Variants in SPRED2 observed in about 807,000 individuals in gnomAD.
SPRED2 encodes the protein sprouty-related, EVH1 domain-containing protein 2.
In SPRED2, 47 loss-of-function variants were observed where a neutral mutation model predicts 43.0. The observed-to-expected ratio is 1.09, with a 90% CI of 0.87 to 1.40. SPRED2 has a LOEUF of 1.40. Ranked by LOEUF, SPRED2 falls within the 40% of genes most tolerant of loss-of-function variation. SPRED2 has a pLI of 0.00. For synonymous variants in SPRED2, 225 were observed against 225.7 expected (o/e 1.00, Z 0.03); for missense variants, 561 against 586.4 (o/e 0.96, Z 0.45).
In SPRED2 at chr2:65,401,935, GCGCACACACA is replaced by G. The variant is rs61238567; in HGVS notation, c.26+30017_26+30026del. On this transcript the variant is annotated intron_variant, in intron 1 of 5. Coordinates refer to ENST00000356388, the MANE Select transcript of SPRED2 (RefSeq NM_181784.3). ...AAACGATCAGAATATTAGCGCGCGCGCGCACACACACACACACACACACACACACACACAC... is the reference window on the plus strand; with the variant it reads ...AAACGATCAGAATATTAGCGCGCGCGCACACACACACACACACACACACAC... Among the ~76,000 whole-genome samples the G allele has an allele frequency of 1.8e-3, 158 of 89,374 alleles. 1 individual carries two copies. Among genetic ancestry groups the G allele is most frequent in the African/African-American group, 5.6e-3 (155 of 27,684 alleles). The allele number at this position is 89,374 out of a possible 152,430, so 58.6% of individuals were successfully genotyped here.
chr2:65,380,956 T>C (rs1193537578), intron 1 of SPRED2, among the ~76,000 whole-genome samples: 1 of 152,228 alleles, frequency 6.6e-6, no homozygotes, highest in Non-Finnish European at 1.5e-5. Flanking sequence ...AAGTACACTT[T>C]GCCTTTATGT....
chr2:65,316,823 A>G lies in SPRED2; in HGVS notation c.499T>C (p.Ser167Pro). The G allele has an allele frequency of 6.2e-7, 1 of 1,613,830 alleles. No homozygotes were observed. Among genetic ancestry groups the G allele is most frequent in the Non-Finnish European group, 8.5e-7 (1 of 1,179,942 alleles). Residue 167 changes from serine to proline, a missense_variant, in exon 5 of 6, where the codon TCC becomes CCC. Transcript: ENST00000356388. ...CGGTGCTCACAGGATGTGGGAGAGG[A>G]GATTGTCCGAGTAGGTTGCTCTCTC... Reference protein sequence around the residue: ...QKREQPTRTISSPTSCEHRRI... With the variant: ...QKREQPTRTIPSPTSCEHRRI...
intron 1 of SPRED2, among the ~76,000 whole-genome samples, chr2:65,401,937 G>GCGCGCGCGCGCACACACACACA (rs776512353): frequency 6.1e-5 from 7 of 114,710 alleles, no homozygotes; most frequent in Admixed American, 2.4e-4. Flanking sequence ...GCGCGCGCGC[G>GCGCGCGCGCGCACACACACACA]CACACACACA....
rs1489133429 is a variant in SPRED2 at position 65,312,793 on chromosome 2, T to C, written c.*708A>G. The C allele has an allele frequency of 2.6e-5, 26 of 985,740 alleles. No homozygotes were observed. Among genetic ancestry groups the C allele is most frequent in the East Asian group, 1.1e-4 (1 of 8,832 alleles). 61.1% of individuals were successfully genotyped at this position (985,740 alleles called of 1,614,324 possible). A position where few individuals can be genotyped will look rare whatever the true frequency, so the allele number is the denominator to read the frequency against. ...AAGTTAAGGCTCAATTCTCAGTCTA[T>C]TACGGGTGAATGTTTTGCATCAGTG... On this transcript the variant is annotated 3_prime_UTR_variant, in exon 6 of 6. Coordinates refer to ENST00000356388, the MANE Select transcript of SPRED2 (RefSeq NM_181784.3).
intron 1 of SPRED2, among the ~76,000 whole-genome samples, chr2:65,347,067 C>G (rs1392915191): frequency 6.6e-6 from 1 of 152,202 alleles, no homozygotes; most frequent in Non-Finnish European, 1.5e-5. Context: ...ACCTCCATAA[C>G]TCAATTGTAA....
At chr2:65,410,575 T>C (rs1014811356) in intron 1 of SPRED2, among the ~76,000 whole-genome samples, 1 of 151,892 alleles carries the variant, frequency 6.6e-6, no homozygotes, top group Non-Finnish European at 1.5e-5. Flanking sequence ...CTGGCTAACA[T>C]GGTGAGACCC....
rs1553418166 is a variant in SPRED2, at chr2:65,338,272, C to CG, written c.205-3500_205-3499insC. 8.4e-5 allele frequency among the ~76,000 whole-genome samples: 3 copies of CG among 35,672 alleles called. 1 individual carries two copies. Among genetic ancestry groups the CG allele is most frequent in the African/African-American group, 3.6e-4 (3 of 8,270 alleles). 23.4% of individuals were successfully genotyped at this position (35,672 alleles called of 152,430 possible). A position where few individuals can be genotyped will look rare whatever the true frequency, so the allele number is the denominator to read the frequency against. ...GTCTCCCTCTCCCTCTCCCGTCTCC[C>CG]TCTCCCTCTCCCGTCTCCCTCTCCC... is the stretch of plus-strand genomic sequence containing the variant. On this transcript the variant is annotated intron_variant, in intron 2 of 5. Transcript: ENST00000356388.
At chr2:65,344,345 T>C (rs1674277129) in intron 2 of SPRED2, 1 of 331,336 alleles carries the variant, frequency 3.0e-6, no homozygotes, top group African/African-American at 2.1e-5. Context: ...GCATGCTCCA[T>C]GAATAAACTC....
chr2:65,353,888 C>G (rs1022431790), intron 1 of SPRED2, among the ~76,000 whole-genome samples: 1 of 152,132 alleles, frequency 6.6e-6, no homozygotes, highest in Non-Finnish European at 1.5e-5. Flanking sequence ...TTATCTTGCA[C>G]CTGCCTTGCA....
chr2:65,327,877 T>C (rs3732099), intron 4 of SPRED2, among the ~76,000 whole-genome samples: 95,729 of 151,470 alleles, frequency 0.63, 31,252 homozygotes, highest in East Asian at 0.85. Flanking sequence ...GGGCCCGCCA[T>C]CATGCCTGGC....
At chr2:65,398,321 G>A (rs1675805080) in intron 1 of SPRED2, among the ~76,000 whole-genome samples, 1 of 152,134 alleles carries the variant, frequency 6.6e-6, no homozygotes, top group Non-Finnish European at 1.5e-5. Flanking sequence ...TCTAGACATT[G>A]GCTTAGGCAA....
chr2:65,394,155 A>G (rs531198095), intron 1 of SPRED2, among the ~76,000 whole-genome samples: 59 of 152,286 alleles, frequency 3.9e-4, no homozygotes, highest in Admixed American at 7.2e-4. Flanking sequence ...TAAATTTTTT[A>G]AAGTCCAGCA....
chr2:65,337,926 ATAT>A (rs1558657514), intron 2 of SPRED2, among the ~76,000 whole-genome samples: 1 of 152,190 alleles, frequency 6.6e-6, no homozygotes, highest in Non-Finnish European at 1.5e-5. Flanking sequence ...AGTTTTTTTG[ATAT>A]TAATGAGTCA....
intron 1 of SPRED2, among the ~76,000 whole-genome samples, chr2:65,409,598 G>A (rs1407732917): frequency 7.2e-6 from 1 of 139,604 alleles, no homozygotes; most frequent in Non-Finnish European, 1.5e-5. Flanking sequence ...ATTTAAAAAT[G>A]AATAAAGCCA....
At chr2:65,309,382 T>C (rs1217344769), downstream of SPRED2, among the ~76,000 whole-genome samples, 3 of 151,614 alleles carry the variant, frequency 2.0e-5, no homozygotes, top group Non-Finnish European at 2.9e-5. Flanking sequence ...GATGTGCACC[T>C]GTAGTCCTAG....
At chr2:65,327,426 G>C (rs1019622415) in intron 4 of SPRED2, among the ~76,000 whole-genome samples, 2 of 152,134 alleles carry the variant, frequency 1.3e-5, no homozygotes, top group African/African-American at 4.8e-5. Flanking sequence ...GAAACTGAGA[G>C]CATTCCAAAG....
chr2:65,339,532 C>A (rs578109779), intron 2 of SPRED2, among the ~76,000 whole-genome samples: 177 of 150,562 alleles, frequency 1.2e-3, no homozygotes, highest in African/African-American at 4.3e-3. Context: ...AGGCAGCATG[C>A]TCGTTAAGAG....
chr2:65,388,672 A>G (rs1675561235), intron 1 of SPRED2, among the ~76,000 whole-genome samples: 1 of 152,094 alleles, frequency 6.6e-6, no homozygotes, highest in Admixed American at 6.5e-5. Flanking sequence ...GACCAAAAGC[A>G]GGAGGGGGGT....
intron 1 of SPRED2, among the ~76,000 whole-genome samples, chr2:65,384,665 C>T (rs1399215780): frequency 6.6e-6 from 1 of 152,092 alleles, no homozygotes; most frequent in Non-Finnish European, 1.5e-5. Flanking sequence ...GGAGAAAAGC[C>T]CTCCTTACCT....
Sources: allele counts gnomAD v4.1 joint callset (sites outside exome capture counted in the v4.1 genomes callset), GRCh38; gene constraint gnomAD v4.1.1; transcripts MANE v1.5; gene names NCBI Gene and HGNC (gene_info 2026-07-23, HGNC 2026-07-21).